Variants in LRTM1 observed in about 807,000 individuals in gnomAD.
The protein encoded by LRTM1 is leucine-rich repeat and transmembrane domain-containing protein 1.
LRTM1 carries 38 observed loss-of-function variants against 32.4 expected under a neutral mutation model. The observed-to-expected ratio is 1.17, with a 90% confidence interval of 0.91 to 1.54. LRTM1 has a LOEUF of 1.54. Among genes scored for constraint, LRTM1 ranks in the 40% most tolerant of loss-of-function variants. The pLI is 0.00. For missense variants in LRTM1, 466 were observed against 415.4 expected, an observed-to-expected ratio of 1.12 and a Z score of -1.06; for synonymous variants, 186 against 169.9, an observed-to-expected ratio of 1.09 and a Z score of -0.74.
intron 1 of LRTM1, among the ~76,000 whole-genome samples, chr3:54,948,961 A>G (rs1253403032): frequency 1.3e-5 from 2 of 152,232 alleles, no homozygotes; most frequent in African/African-American, 4.8e-5. Context: ...GTCCATAGTT[A>G]TAACCAGCTT....
chr3:54,962,797 G>A (rs1375403484), intron 1 of LRTM1, among the ~76,000 whole-genome samples: 1 of 152,204 alleles, frequency 6.6e-6, no homozygotes, highest in Non-Finnish European at 1.5e-5. Context: ...GCAAATGGAA[G>A]TAGGGGTGTT....
intron 1 of LRTM1, among the ~76,000 whole-genome samples, chr3:54,938,213 C>T (rs1334889840): frequency 6.6e-6 from 1 of 152,214 alleles, no homozygotes; most frequent in Non-Finnish European, 1.5e-5. Context: ...CCTGCTGGGG[C>T]TCCAGTACTG....
intron 1 of LRTM1, among the ~76,000 whole-genome samples, chr3:54,933,873 A>G (rs1185894251): frequency 2.0e-5 from 3 of 151,732 alleles, no homozygotes; most frequent in African/African-American, 4.8e-5. Flanking sequence ...GGTTCAAGCA[A>G]TTCTCCTGCC....
intron 1 of LRTM1, among the ~76,000 whole-genome samples, chr3:54,926,928 T>C (rs1156546379): frequency 6.6e-6 from 1 of 152,214 alleles, no homozygotes; most frequent in African/African-American, 2.4e-5. Flanking sequence ...TAGATACTGC[T>C]CTGTCATTCA....
chr3:54,960,689 CCCTT>C (rs1391575315), intron 1 of LRTM1, among the ~76,000 whole-genome samples: 29 of 152,214 alleles, frequency 1.9e-4, no homozygotes, highest in Admixed American at 1.9e-3. Flanking sequence ...CAGCTGCCTT[CCCTT>C]CCTTCCCCCT....
At chr3:54,961,652 G>A (rs1263267413) in intron 1 of LRTM1, among the ~76,000 whole-genome samples, 1 of 152,104 alleles carries the variant, frequency 6.6e-6, no homozygotes, top group Non-Finnish European at 1.5e-5. Flanking sequence ...TTGTGGGCAG[G>A]TGGCCTGATT....
upstream of LRTM1, chr3:54,928,191 T>A: frequency 2.1e-6 from 1 of 486,374 alleles, no homozygotes; most frequent in Admixed American, 3.5e-5. Flanking sequence ...CTCCCCAGGA[T>A]CATCCCTGCC....
intron 1 of LRTM1, among the ~76,000 whole-genome samples, chr3:54,966,468 G>A (rs1702153016): frequency 6.6e-6 from 1 of 152,184 alleles, no homozygotes; most frequent in Middle Eastern, 3.2e-3. Flanking sequence ...CCCAACAGCT[G>A]ATTTACTAAA....
At chr3:54,949,150 G>T (rs979539395) in intron 1 of LRTM1, among the ~76,000 whole-genome samples, 5 of 152,212 alleles carry the variant, frequency 3.3e-5, no homozygotes, top group Admixed American at 6.5e-5. Context: ...AAAAGTTTCA[G>T]TTCAATGTCC....
chr3:54,965,352 T>C (rs4955824), intron 1 of LRTM1, among the ~76,000 whole-genome samples: 59,721 of 152,006 alleles, frequency 0.39, 13,611 homozygotes, highest in East Asian at 0.56. Flanking sequence ...CAAATGATGG[T>C]CTTTAAAAAG....
chr3:54,933,967 C>T (rs559562043), intron 1 of LRTM1, among the ~76,000 whole-genome samples: 8 of 152,148 alleles, frequency 5.3e-5, no homozygotes, highest in South Asian at 4.2e-4. Flanking sequence ...GACGGGGTTT[C>T]GTCATGTTGG....
chr3:54,956,174 T>G lies in LRTM1; in HGVS notation c.-222+10754A>C, dbSNP rs78495174. ...GCTGATCATATCTGCCACCCAGGTG[T>G]TTGACTTTGAAGTGGGTATCTCCCT... On this transcript the variant is annotated intron_variant, in intron 1 of 2. Transcript: ENST00000493075. 2.1e-3 allele frequency among the ~76,000 whole-genome samples: 313 copies of G among 152,286 alleles called. 3 individuals carry two copies. The East Asian group carries it at 0.05, about 24-fold the overall frequency.
intron 1 of LRTM1, among the ~76,000 whole-genome samples, chr3:54,955,922 G>A (rs1251860786): frequency 1.3e-5 from 2 of 152,158 alleles, no homozygotes; most frequent in African/African-American, 4.8e-5. Flanking sequence ...CTCGCCATCT[G>A]CCTGATGAAG....
chr3:54,945,916 G>A (rs1268211841), intron 1 of LRTM1, among the ~76,000 whole-genome samples: 1 of 152,062 alleles, frequency 6.6e-6, no homozygotes. Context: ...GGCCATCCTC[G>A]TTGGAATAAA....
At chr3:54,939,537 C>T (rs958679985) in intron 1 of LRTM1, among the ~76,000 whole-genome samples, 12 of 152,234 alleles carry the variant, frequency 7.9e-5, no homozygotes, top group African/African-American at 2.7e-4. Flanking sequence ...GGGCAGCCTG[C>T]TGTCTGTCTG....
intron 1 of LRTM1, among the ~76,000 whole-genome samples, chr3:54,938,158 C>T (rs892341101): frequency 6.6e-6 from 1 of 152,196 alleles, no homozygotes; most frequent in African/African-American, 2.4e-5. Context: ...GTTGCATTCT[C>T]ACCACATCAG....
Position 54,948,417 on chromosome 3 carries a change from T to C in LRTM1, c.-222+18511A>G, listed in dbSNP as rs115232961. On this transcript the variant is annotated intron_variant, in intron 1 of 2. Transcript: ENST00000493075. ...CAACTAGGCCCTTCATGGGCATATA[T>C]GTGTTTGCCTTCTTCATTGTCCAGA... Among the ~76,000 whole-genome samples the C allele has an allele frequency of 2.8e-3, 419 of 152,358 alleles. 5 individuals are homozygous for C. Among genetic ancestry groups the C allele is most frequent in the African/African-American group, 9.7e-3 (405 of 41,588 alleles).
chr3:54,924,435 G>C (rs1190263034), intron 2 of LRTM1, among the ~76,000 whole-genome samples, 184 bp downstream of exon 2: 1 of 152,162 alleles, frequency 6.6e-6, no homozygotes, highest in East Asian at 1.9e-4. Context: ...TTTCGAACCT[G>C]AATTTAAACA....
chr3:54,939,271 T>G (rs1024381123), intron 1 of LRTM1, among the ~76,000 whole-genome samples: 1 of 152,184 alleles, frequency 6.6e-6, no homozygotes, highest in Non-Finnish European at 1.5e-5. Context: ...CTTCTACATC[T>G]TACTAAAGAG....
Sources: gnomAD v4.1 joint callset for allele counts (sites outside exome capture counted in the v4.1 genomes callset) on GRCh38, gnomAD v4.1.1 for gene constraint, MANE v1.5 for transcripts, NCBI Gene and HGNC (gene_info 2026-07-23, HGNC 2026-07-21) for gene names.